ATP1B2: variants seen among roughly 807,000 people sequenced by gnomAD.
The protein encoded by ATP1B2 is ATPase Na+/K+ transporting subunit beta 2.
ATP1B2 carries 12 observed loss-of-function variants against 37.3 expected under a neutral mutation model. That is an observed-to-expected ratio of 0.32 (90% CI 0.21 to 0.52). The LOEUF (loss-of-function observed/expected upper bound fraction) is 0.52. Ranked by LOEUF, ATP1B2 falls within the 20% of genes least tolerant of loss-of-function variation. The pLI is 0.96. For missense variants in ATP1B2, 324 were observed against 391.6 expected, an observed-to-expected ratio of 0.83 and a Z score of 1.46; for synonymous variants, 139 against 140.5, an observed-to-expected ratio of 0.99 and a Z score of 0.07.
At chr17:7,652,352 G>A (rs976334655) in intron 1 of ATP1B2, among the ~76,000 whole-genome samples, 1 of 152,056 alleles carries the variant, frequency 6.6e-6, no homozygotes, top group Non-Finnish European at 1.5e-5. Context: ...GGGTTGGGGG[G>A]GTGGAGGGGG....
At position 7,654,881 on chromosome 17, in the gene ATP1B2, T is replaced by C; in HGVS notation, c.609+197T>C. The C allele has an allele frequency of 1.7e-6, 1 of 597,768 alleles. No homozygotes were observed. Among genetic ancestry groups the C allele is most frequent in the Non-Finnish European group, 3.0e-6 (1 of 338,806 alleles). The allele number at this position is 597,768 out of a possible 1,614,324, so 37.0% of individuals were successfully genotyped here. On this transcript the variant is annotated intron_variant, in intron 5 of 6. Coordinates refer to ENST00000250111, the MANE Select transcript of ATP1B2 (RefSeq NM_001678.5). The surrounding 1 kb of genome is among the most constrained non-coding windows in gnomAD (Gnocchi z 4.9). ...TCCGAGGGCCCCGCACTCCTCTTGC[T>C]TCTCTCTGGGATGCAGAGGCCTGCT...
rs73246863 is a variant in ATP1B2, at chr17:7,652,766, G to C, written c.113-608G>C. The stretch of plus-strand genomic sequence containing the variant: ...GTGGGAGATTCTGCCTTTCCTCCCT[G>C]CCTCTGCCCAGGGTGCTGGGTGTGA... On this transcript the variant is annotated intron_variant, in intron 1 of 6. Coordinates refer to ENST00000250111, the MANE Select transcript of ATP1B2 (RefSeq NM_001678.5). Among the ~76,000 whole-genome samples, 1,358 of 152,270 alleles carry C rather than the reference G, an allele frequency of 8.9e-3. 19 individuals are homozygous for C. Among genetic ancestry groups the C allele is most frequent in the African/African-American group, 0.031 (1,276 of 41,522 alleles).
In ATP1B2 at chr17:7,656,172, G is replaced by A. The variant is rs181025749; in HGVS notation, c.*277G>A. ...GGAGTTAGGAGCCTTTCTAGTTCTG[G>A]TTTAGCTGTGAGAGCTATCCACTCT... On this transcript the variant is annotated 3_prime_UTR_variant, in exon 7 of 7. Transcript: ENST00000250111. The A allele has an allele frequency of 1.5e-3, 715 of 484,110 alleles. 9 individuals are homozygous for A. Among genetic ancestry groups the A allele is most frequent in the African/African-American group, 0.013 (658 of 51,446 alleles). 30.0% of individuals were successfully genotyped at this position (484,110 alleles called of 1,614,324 possible).
upstream of ATP1B2, chr17:7,646,751 C>T (rs1237683391): frequency 6.6e-6 from 1 of 152,214 alleles, no homozygotes; most frequent in Non-Finnish European, 1.5e-5. Context: ...GCCCGGCCAG[C>T]TGCTGAATTG....
upstream of ATP1B2, among the ~76,000 whole-genome samples, chr17:7,650,054 C>T (rs930412587): frequency 6.6e-6 from 1 of 152,182 alleles, no homozygotes; most frequent in East Asian, 1.9e-4. Context: ...AGACTGTGAG[C>T]CCCGTGAGAG....
In ATP1B2 at chr17:7,656,002, C is replaced by A; in HGVS notation, c.*107C>A. The A allele has an allele frequency of 7.0e-7, 1 of 1,423,404 alleles. No homozygotes were observed. The highest frequency in any genetic ancestry group is 9.6e-7 in the Non-Finnish European group (1 of 1,046,170). 88.2% of individuals were successfully genotyped at this position (1,423,404 alleles called of 1,614,324 possible). On this transcript the variant is annotated 3_prime_UTR_variant, in exon 7 of 7. Coordinates refer to ENST00000250111, the MANE Select transcript of ATP1B2 (RefSeq NM_001678.5). ...CCCAAAGGTATTTTTGATAACAGAG[C>A]TATGACTTGTCTGAGCCTCACATCC...
In ATP1B2 at chr17:7,654,693, G is replaced by A. The variant is rs755366057; in HGVS notation, c.609+9G>A. 17 of 1,613,960 alleles carry A rather than the reference G, an allele frequency of 1.1e-5. No homozygotes were observed. Among genetic ancestry groups the A allele is most frequent in the African/African-American group, 8.0e-5 (6 of 74,904 alleles). ...TTACCTGTGCTGGGAAGGTGAGTTC[G>A]TTGGGCCTTGTCTGCCTGCTCACCT... On this transcript the variant is annotated intron_variant, in intron 5 of 6. Coordinates refer to ENST00000250111, the MANE Select transcript of ATP1B2 (RefSeq NM_001678.5). The surrounding 1 kb of genome is among the most constrained non-coding windows in gnomAD (Gnocchi z 4.9).
rs1035261807 is a variant in ATP1B2, at chr17:7,655,083, C to T, written c.609+399C>T. Among the ~76,000 whole-genome samples the T allele has an allele frequency of 3.9e-5, 6 of 152,150 alleles. No individual in the cohort carries two copies. The East Asian group carries it at 9.6e-4, about 24-fold the overall frequency. On this transcript the variant is annotated intron_variant, in intron 5 of 6. Transcript: ENST00000250111. This position sits in a 1 kb window ranked among gnomAD's most constrained non-coding sequence, Gnocchi z 4.4. ...TCTGGTAGCTGCTGATCTGTTAGCACCATCTGCCACCAGTTCGTTGTCCTT... is the reference window on the plus strand; with the variant it reads ...TCTGGTAGCTGCTGATCTGTTAGCATCATCTGCCACCAGTTCGTTGTCCTT...
intron 1 of ATP1B2, 50 bp downstream of exon 1, chr17:7,651,680 C>T: frequency 1.3e-6 from 2 of 1,501,590 alleles, no homozygotes; most frequent in South Asian, 1.2e-5. Context: ...GGGGCGACGC[C>T]TCGGGGGCGC....
rs770743728 is a variant in ATP1B2 at position 7,654,582 on chromosome 17, G to A, written c.553-46G>A. The stretch of plus-strand genomic sequence containing the variant: ...TAGCTTGGTCTGGATGCCCATCTTC[G>A]ACAACTTCTTCCTCTGACTCTCTTC... On this transcript the variant is annotated intron_variant, in intron 4 of 6. Coordinates refer to ENST00000250111, the MANE Select transcript of ATP1B2 (RefSeq NM_001678.5). This position sits in a 1 kb window ranked among gnomAD's most constrained non-coding sequence, Gnocchi z 4.9. 10 of 1,605,158 alleles carry A rather than the reference G, an allele frequency of 6.2e-6. No homozygotes were observed. In the Admixed American group the frequency reaches 8.3e-5, roughly 13 times the overall value.
chr17:7,655,450 C>T lies in ATP1B2; in HGVS notation c.610-77C>T. The T allele has an allele frequency of 7.1e-7, 1 of 1,408,316 alleles. No individual in the cohort carries two copies. The highest frequency in any genetic ancestry group is 1.0e-6 in the Non-Finnish European group (1 of 999,180). The allele number at this position is 1,408,316 out of a possible 1,614,324, so 87.2% of individuals were successfully genotyped here. A position where few individuals can be genotyped will look rare whatever the true frequency, so the allele number is the denominator to read the frequency against. On this transcript the variant is annotated intron_variant, in intron 5 of 6. Coordinates refer to ENST00000250111, the MANE Select transcript of ATP1B2 (RefSeq NM_001678.5). The surrounding 1 kb of genome is among the most constrained non-coding windows in gnomAD (Gnocchi z 4.4). ...TTGGGGCGAAGGAAGAACAAAAGAACAAATGGAAGTCTGGTGAGCTCCTGG... is the reference window on the plus strand; with the variant it reads ...TTGGGGCGAAGGAAGAACAAAAGAATAAATGGAAGTCTGGTGAGCTCCTGG...
chr17:7,646,798 TCAA>T (rs1290883117), upstream of ATP1B2: 1 of 152,116 alleles, frequency 6.6e-6, no homozygotes, highest in Non-Finnish European at 1.5e-5. Flanking sequence ...GCAAGGAACC[TCAA>T]CAACAATGGC....
In ATP1B2 at chr17:7,655,362, G is replaced by C. The variant is rs1272904441; in HGVS notation, c.610-165G>C. On this transcript the variant is annotated intron_variant, in intron 5 of 6. Coordinates refer to ENST00000250111, the MANE Select transcript of ATP1B2 (RefSeq NM_001678.5). The surrounding 1 kb of genome is among the most constrained non-coding windows in gnomAD (Gnocchi z 4.4). The stretch of plus-strand genomic sequence containing the variant: ...ACAGACCATCCCCTCATCTACACAC[G>C]CACATGCAGACACACACACACAGAC... 6.2e-6 allele frequency: 4 copies of C among 645,290 alleles called. No individual in the cohort carries two copies. Among genetic ancestry groups the C allele is most frequent in the Non-Finnish European group, 1.1e-5 (4 of 369,340 alleles). 40.0% of individuals were successfully genotyped at this position (645,290 alleles called of 1,614,324 possible).
rs2072645625 is a variant in ATP1B2 at position 7,655,677 on chromosome 17, G to A, written c.708+52G>A. On this transcript the variant is annotated intron_variant, in intron 6 of 6. Transcript: ENST00000250111. The surrounding 1 kb of genome is among the most constrained non-coding windows in gnomAD (Gnocchi z 4.4). ...ATGGCGGGTGCGGGTGGTGAGCTAG[G>A]GAAGGAGGCCGCGTTGCCCCAGGCC... The A allele has an allele frequency of 6.2e-7, 1 of 1,613,990 alleles. No individual in the cohort carries two copies.
intron 1 of ATP1B2, 66 bp downstream of exon 1, chr17:7,651,696 C>G: frequency 1.4e-6 from 2 of 1,400,552 alleles, no homozygotes; most frequent in South Asian, 2.6e-5. Context: ...GGCGCAGGGT[C>G]CCGCCGACGC....
At chr17:7,651,726 G>C in intron 1 of ATP1B2, 96 bp downstream of exon 1, 1 of 1,090,998 alleles carries the variant, frequency 9.2e-7, no homozygotes, top group Admixed American at 3.1e-5. Context: ...TCCCCTCCCG[G>C]GTCCCCGGCG....
At chr17:7,651,677 C>CGCCTCGGGGGCGCA in intron 1 of ATP1B2, 47 bp downstream of exon 1, 1 of 1,511,504 alleles carries the variant, frequency 6.6e-7, no homozygotes, top group Non-Finnish European at 8.9e-7. Context: ...CGCGGGGCGA[C>CGCCTCGGGGGCGCA]GCCTCGGGGG....
intron 1 of ATP1B2, among the ~76,000 whole-genome samples, chr17:7,653,033 C>T (rs2072624091): frequency 1.3e-5 from 2 of 152,146 alleles, no homozygotes; most frequent in Non-Finnish European, 2.9e-5. Flanking sequence ...CAGCTTTAAG[C>T]ATGAGTACGA....
chr17:7,655,123 CG>C lies in ATP1B2; in HGVS notation c.610-403del. 3.2e-6 allele frequency: 1 copy of C among 312,996 alleles called. No homozygotes were observed. 19.4% of individuals were successfully genotyped at this position (312,996 alleles called of 1,614,324 possible). A position where few individuals can be genotyped will look rare whatever the true frequency, so the allele number is the denominator to read the frequency against. On this transcript the variant is annotated intron_variant, in intron 5 of 6. Coordinates refer to ENST00000250111, the MANE Select transcript of ATP1B2 (RefSeq NM_001678.5). The surrounding 1 kb of genome is among the most constrained non-coding windows in gnomAD (Gnocchi z 4.4). ...TCGTTGTCCTTGGGACCCTGTTCCC[CG>C]CTTCCCCCCCGGTCTGTCCTTTCTA...
Sources: gnomAD v4.1 joint callset for allele counts (sites outside exome capture counted in the v4.1 genomes callset) on GRCh38, gnomAD v4.1.1 for gene constraint, Gnocchi (gnomAD v3.1) non-coding constraint, MANE v1.5 for transcripts, NCBI Gene and HGNC (gene_info 2026-07-23, HGNC 2026-07-21) for gene names.